COL14A1: variants seen among roughly 807,000 people sequenced by gnomAD.
COL14A1 encodes the protein collagen alpha-1(XIV) chain.
COL14A1 carries 136 observed loss-of-function variants against 230.3 expected under a neutral mutation model. The ratio of observed to expected loss-of-function variants is 0.59; its 90% CI spans 0.51 to 0.68. The LOEUF is 0.68. Ranked by LOEUF, COL14A1 falls within the 30% of genes least tolerant of loss-of-function variation. The probability of loss-of-function intolerance (pLI) is 0.00; values close to 1 mark genes in which losing one functional copy is unlikely to be tolerated. For missense variants in COL14A1, 1,976 were observed against 2,215.8 expected (o/e 0.89, Z 2.17); for synonymous variants, 792 against 784.1 (o/e 1.01, Z -0.17).
At chr8:120,283,035 A>G (rs1255194893) in intron 31 of COL14A1, among the ~76,000 whole-genome samples, 1 of 152,088 alleles carries the variant, frequency 6.6e-6, no homozygotes, top group Non-Finnish European at 1.5e-5. Flanking sequence ...GAGGTTTCCT[A>G]GTAAGGTGGC....
intron 36 of COL14A1, among the ~76,000 whole-genome samples, chr8:120,302,776 G>C (rs1820754826): frequency 6.6e-6 from 1 of 152,152 alleles, no homozygotes; most frequent in Non-Finnish European, 1.5e-5. Flanking sequence ...GTTCTGTAAA[G>C]AATGTTATTG....
intron 1 of COL14A1, among the ~76,000 whole-genome samples, chr8:120,127,357 G>C (rs1350141719): frequency 6.6e-6 from 1 of 152,184 alleles, no homozygotes; most frequent in Non-Finnish European, 1.5e-5. Flanking sequence ...CCTTTGAAAG[G>C]ACAGGCGCCC....
At chr8:120,205,372 T>C (rs551760497) in intron 9 of COL14A1, among the ~76,000 whole-genome samples, 2 of 152,302 alleles carry the variant, frequency 1.3e-5, no homozygotes, top group South Asian at 4.1e-4. Flanking sequence ...CTCTCTACTT[T>C]TCAGCATCTT....
intron 24 of COL14A1, among the ~76,000 whole-genome samples, chr8:120,263,790 ATC>A (rs1274823638): frequency 6.6e-6 from 1 of 152,284 alleles, no homozygotes; most frequent in East Asian, 1.9e-4. Context: ...AGGGATTACT[ATC>A]TGTGTATAGC....
At chr8:120,303,723 G>T (rs1468413614) in intron 36 of COL14A1, among the ~76,000 whole-genome samples, 1 of 152,096 alleles carries the variant, frequency 6.6e-6, no homozygotes, top group African/African-American at 2.4e-5. Flanking sequence ...TCTCTTCCAG[G>T]TTTTGCTATC....
chr8:120,212,627 AATGTG>A, intron 13 of COL14A1, 50 bp downstream of exon 13: 1 of 1,599,470 alleles, frequency 6.3e-7, no homozygotes, highest in East Asian at 2.2e-5. Context: ...AGCCCACATG[AATGTG>A]GGGATTCTGA....
rs1483185453 is a variant in COL14A1, at chr8:120,207,608, C to T, written c.1191+514C>T. Among the ~76,000 whole-genome samples, 5 of 152,174 alleles carry T rather than the reference C, an allele frequency of 3.3e-5. No individual in the cohort carries two copies. In the East Asian group the frequency reaches 7.7e-4, roughly 23 times the overall value. ...GCATATTTTTATGGCTTGGCCAACACAGGCGAGAACACCTATTGCCAGATG... is the reference window on the plus strand; with the variant it reads ...GCATATTTTTATGGCTTGGCCAACATAGGCGAGAACACCTATTGCCAGATG... On this transcript the variant is annotated intron_variant, in intron 10 of 47. Coordinates refer to ENST00000297848, the MANE Select transcript of COL14A1 (RefSeq NM_021110.4).
chr8:120,359,611 T>G (rs1356604213), intron 45 of COL14A1, among the ~76,000 whole-genome samples: 2 of 152,182 alleles, frequency 1.3e-5, no homozygotes, highest in East Asian at 3.8e-4. Flanking sequence ...TAATAGCCAA[T>G]AGTGGAAATA....
intron 4 of COL14A1, among the ~76,000 whole-genome samples, chr8:120,167,656 G>A (rs1475084648): frequency 2.0e-5 from 3 of 152,152 alleles, no homozygotes; most frequent in Non-Finnish European, 2.9e-5. Context: ...AGTTTGAAAA[G>A]GAATTATTAT....
At chr8:120,370,859 C>A (rs1187528413) in intron 47 of COL14A1, 2 of 1,341,354 alleles carry the variant, frequency 1.5e-6, no homozygotes, top group Non-Finnish European at 9.8e-7. Flanking sequence ...ATTTCTATTT[C>A]TTTTATAATT....
intron 18 of COL14A1, among the ~76,000 whole-genome samples, chr8:120,230,438 C>T (rs1210999667): frequency 6.6e-6 from 1 of 152,062 alleles, no homozygotes; most frequent in Admixed American, 6.6e-5. Context: ...TCATTTAATC[C>T]TTATCAAGCC....
intron 39 of COL14A1, 78 bp from the exon 40 acceptor site, chr8:120,315,866 C>T: frequency 6.9e-7 from 1 of 1,456,646 alleles, no homozygotes; most frequent in Non-Finnish European, 9.6e-7. Context: ...TGGAGGCCTT[C>T]ATCTATTTCA....
chr8:120,337,401 T>TAA (rs60418574), intron 42 of COL14A1, among the ~76,000 whole-genome samples: 1 of 129,460 alleles, frequency 7.7e-6, no homozygotes, highest in African/African-American at 2.9e-5. Context: ...GTCTCAAAAT[T>TAA]AAAAAAAAAA....
chr8:120,264,830 T>C (rs1780779114), intron 24 of COL14A1, among the ~76,000 whole-genome samples: 1 of 152,130 alleles, frequency 6.6e-6, no homozygotes, highest in Admixed American at 6.6e-5. Context: ...GCTAAGTTCT[T>C]TGCGCTTATT....
intron 14 of COL14A1, among the ~76,000 whole-genome samples, chr8:120,217,736 G>A (rs193011583): frequency 6.6e-6 from 1 of 151,980 alleles, no homozygotes; most frequent in Admixed American, 6.6e-5. Context: ...GCCTGGAGCA[G>A]TAAAAAGATT....
At chr8:120,348,171 A>G (rs943366619) in intron 45 of COL14A1, among the ~76,000 whole-genome samples, 1 of 150,142 alleles carries the variant, frequency 6.7e-6, no homozygotes, top group African/African-American at 2.4e-5. Context: ...ACTGTGGTGT[A>G]TATATATATA....
chr8:120,173,564 C>CGTCTATCTATCTATCTATCTATCTATCT (rs138242637), intron 5 of COL14A1, among the ~76,000 whole-genome samples: 2 of 149,166 alleles, frequency 1.3e-5, no homozygotes, highest in Non-Finnish European at 3.0e-5. Flanking sequence ...AGCAATCAAT[C>CGTCTATCTATCTATCTATCTATCTATCT]ATCTATCTAT....
chr8:120,289,130 TC>T (rs1414636081), intron 33 of COL14A1, among the ~76,000 whole-genome samples: 1 of 152,124 alleles, frequency 6.6e-6, no homozygotes, highest in Non-Finnish European at 1.5e-5. Flanking sequence ...CATTCCTTCT[TC>T]CCCCTCAGAT....
chr8:120,195,319 A>T (rs1457594100), intron 5 of COL14A1, among the ~76,000 whole-genome samples: 1 of 152,084 alleles, frequency 6.6e-6, no homozygotes, highest in African/African-American at 2.4e-5. Context: ...TATATATGTT[A>T]AAAAAATAAA....
Sources: allele counts gnomAD v4.1 joint callset (sites outside exome capture counted in the v4.1 genomes callset), GRCh38; gene constraint gnomAD v4.1.1; transcripts MANE v1.5; gene names NCBI Gene and HGNC (gene_info 2026-07-23, HGNC 2026-07-21).